The following NF2 variants were observed in gnomAD, a reference collection of about 807,000 sequenced individuals.
NF2 encodes NF2, moesin-ezrin-radixin like (MERLIN) tumor suppressor.
NF2 carries 8 observed loss-of-function variants against 83.7 expected under a neutral mutation model. That is an observed-to-expected ratio of 0.10 (90% CI 0.06 to 0.17). The LOEUF (loss-of-function observed/expected upper bound fraction) is 0.17. Ranked by LOEUF, NF2 falls within the 10% of genes least tolerant of loss-of-function variation. The pLI, the probability that NF2 is intolerant of heterozygous loss-of-function variation, is 1.00. For synonymous variants in NF2, 266 were observed against 269.6 expected (o/e 0.99, Z 0.13); for missense variants, 533 against 744.4 (o/e 0.72, Z 3.31).
chr22:29,696,921 A>T lies in NF2; in HGVS notation c.*2119A>T, dbSNP rs2067568501. ...AACCTCCGCCTCCCAGGTACAAGAGATTCTCCTGCCTCAGCCTCCCGAGTA... is the reference window on the plus strand; with the variant it reads ...AACCTCCGCCTCCCAGGTACAAGAGTTTCTCCTGCCTCAGCCTCCCGAGTA... On this transcript the variant is annotated 3_prime_UTR_variant, in exon 16 of 16. Coordinates refer to ENST00000338641, the MANE Select transcript of NF2 (RefSeq NM_000268.4). 1 of 180,940 alleles carries T rather than the reference A, an allele frequency of 5.5e-6. No homozygotes were observed. Among genetic ancestry groups the T allele is most frequent in the Non-Finnish European group, 1.2e-5 (1 of 85,606 alleles). The allele number at this position is 180,940 out of a possible 1,614,324, so 11.2% of individuals were successfully genotyped here.
chr22:29,663,909 T>G (rs1445372828), intron 8 of NF2, among the ~76,000 whole-genome samples: 1 of 152,246 alleles, frequency 6.6e-6, no homozygotes, highest in Non-Finnish European at 1.5e-5. Flanking sequence ...GCTAGTGGTC[T>G]AACCCTAGGT....
chr22:29,612,495 T>TG (rs1198268941), intron 1 of NF2, among the ~76,000 whole-genome samples: 25 of 151,310 alleles, frequency 1.7e-4, no homozygotes. Context: ...GCTTTTTTTT[T>TG]TTGTTTGTTT....
intron 8 of NF2, among the ~76,000 whole-genome samples, chr22:29,664,266 T>G (rs908457009): frequency 6.6e-6 from 1 of 151,970 alleles, no homozygotes; most frequent in Non-Finnish European, 1.5e-5. Flanking sequence ...AGCCACCATA[T>G]CTGGCCGCCT....
rs565577826 is a variant in NF2, at chr22:29,674,291, A to T, written c.1341-545A>T. On this transcript the variant is annotated intron_variant, in intron 12 of 15. Coordinates refer to ENST00000338641, the MANE Select transcript of NF2 (RefSeq NM_000268.4). ...GGGCCAGGTCCCTGCACCAGGCCTC[A>T]CATGCCGTGACCACCTGAGCCCCAT... 6.6e-4 allele frequency among the ~76,000 whole-genome samples: 100 copies of T among 152,320 alleles called. 4 individuals are homozygous for T. The South Asian group carries it at 0.02, about 31-fold the overall frequency.
chr22:29,678,185 C>T lies in NF2; in HGVS notation c.1447-11C>T, dbSNP rs571246532. ...GACCCAAGCTCCTAATCCGAAATTT[C>T]TCATTAACAGCCCATGAACCCAATT... On this transcript the variant is annotated splice_polypyrimidine_tract_variant and intron_variant, in intron 13 of 15. Transcript: ENST00000338641. The T allele has an allele frequency of 5.0e-5, 80 of 1,613,876 alleles. No individual in the cohort carries two copies. Among genetic ancestry groups the T allele is most frequent in the Middle Eastern group, 4.9e-4 (3 of 6,062 alleles).
chr22:29,613,788 C>A (rs994119805), intron 1 of NF2, among the ~76,000 whole-genome samples: 10 of 149,706 alleles, frequency 6.7e-5, no homozygotes, highest in African/African-American at 2.2e-4. Flanking sequence ...GAGATGGAGT[C>A]TCGCTCTGTC....
intron 14 of NF2, 121 bp downstream of exon 14, chr22:29,678,444 G>A (rs2067033819): frequency 3.3e-6 from 4 of 1,195,032 alleles, no homozygotes; most frequent in South Asian, 1.2e-5. Flanking sequence ...TCCTGCAAAG[G>A]TTTGCTCTGC....
intron 4 of NF2, among the ~76,000 whole-genome samples, chr22:29,650,900 A>C (rs1308105853): frequency 6.6e-6 from 1 of 152,098 alleles, no homozygotes; most frequent in Non-Finnish European, 1.5e-5. Context: ...ACTGCACCCA[A>C]CCTGTTCATC....
At chr22:29,642,474 ATGTG>A (rs367627235) in intron 4 of NF2, among the ~76,000 whole-genome samples, 189 bp downstream of exon 4, 14 of 150,766 alleles carry the variant, frequency 9.3e-5, no homozygotes, top group South Asian at 8.4e-4. Context: ...TTGTGTGTGT[ATGTG>A]TGTGTGTGTG....
chr22:29,612,118 C>T (rs962403469), intron 1 of NF2, among the ~76,000 whole-genome samples: 3 of 152,164 alleles, frequency 2.0e-5, no homozygotes, highest in African/African-American at 4.8e-5. Context: ...AGCGATTCTC[C>T]TGCCTCAGCC....
chr22:29,639,031 G>A, intron 2 of NF2, 59 bp from the exon 3 acceptor site: 1 of 1,612,888 alleles, frequency 6.2e-7, no homozygotes, highest in South Asian at 1.1e-5. Flanking sequence ...CTTCTTTGAG[G>A]GTAGCACAGG....
chr22:29,658,191 A>G lies in NF2; in HGVS notation c.602A>G (p.Asp201Gly), dbSNP rs1601618525. The G allele has an allele frequency of 3.1e-6, 5 of 1,614,088 alleles. No individual in the cohort carries two copies. The highest frequency in any genetic ancestry group is 2.7e-5 in the African/African-American group (2 of 75,040). ...AGTGTCTTCCGTTCTCCCCACAGGGATGAAGCTGAAATGGAATATCTGAAG... is the reference window on the plus strand; with the variant it reads ...AGTGTCTTCCGTTCTCCCCACAGGGGTGAAGCTGAAATGGAATATCTGAAG... ...WYAEHRGRAR[D>G]EAEMEYLKIA... Residue 201 changes from aspartate (D) to glycine (G), a missense_variant and splice_region_variant, in exon 7 of 16, where the codon GAT (aspartate) becomes GGT (glycine). Physicochemically the swap from Asp to Gly is moderately conservative, Grantham distance 94. This residue lies in a region of NF2 where 326 missense variants were observed against 475.1 expected (regional missense o/e 0.69). Transcript: ENST00000338641.
Position 29,609,620 on chromosome 22 carries a change from G to A in NF2, c.114+5508G>A, listed in dbSNP as rs183992730. On this transcript the variant is annotated intron_variant, in intron 1 of 15. Coordinates refer to ENST00000338641, the MANE Select transcript of NF2 (RefSeq NM_000268.4). ...ATTCTGCGTTTTTGAGCAGTTATTC[G>A]TTTCAGTGATTATAATTGATTGTGC... is the stretch of plus-strand genomic sequence containing the variant. 248 of 191,556 alleles carry A rather than the reference G, an allele frequency of 1.3e-3. 1 individual carries two copies. Among genetic ancestry groups the A allele is most frequent in the Middle Eastern group, 4.5e-3 (2 of 446 alleles). The allele number at this position is 191,556 out of a possible 1,614,324, so 11.9% of individuals were successfully genotyped here. A position where few individuals can be genotyped will look rare whatever the true frequency, so the allele number is the denominator to read the frequency against.
intron 14 of NF2, 39 bp from the exon 15 acceptor site, chr22:29,681,400 C>T (rs755081800): frequency 1.7e-5 from 27 of 1,612,072 alleles, no homozygotes; most frequent in Non-Finnish European, 2.3e-5. Context: ...GTCTCACTGT[C>T]TGCCCAAGCC....
chr22:29,696,261 G>A lies in NF2; in HGVS notation c.*1459G>A, dbSNP rs1429844759. Reference sequence around the variant, plus strand: ...GCCAATGTTCTGTATTTTTAATAGGGACGGGGTTTTGCCATGTTAGCTAGG... The same window carrying A: ...GCCAATGTTCTGTATTTTTAATAGGAACGGGGTTTTGCCATGTTAGCTAGG... On this transcript the variant is annotated 3_prime_UTR_variant, in exon 16 of 16. Coordinates refer to ENST00000338641, the MANE Select transcript of NF2 (RefSeq NM_000268.4). 4.6e-6 allele frequency: 1 copy of A among 215,064 alleles called. No homozygotes were observed. Among genetic ancestry groups the A allele is most frequent in the Non-Finnish European group, 9.4e-6 (1 of 106,764 alleles). 13.3% of individuals were successfully genotyped at this position (215,064 alleles called of 1,614,324 possible).
Position 29,668,387 on chromosome 22 carries a change from G to A in NF2, c.940G>A (p.Asp314Asn), listed in dbSNP as rs1365006505. 1.9e-6 allele frequency: 3 copies of A among 1,613,808 alleles called. No individual in the cohort carries two copies. Among genetic ancestry groups the A allele is most frequent in the African/African-American group, 1.3e-5 (1 of 74,916 alleles). ...TCTATTTATGAGGAGAAGGAAAGCCGATTCTTTGGAAGTTCAGCAGATGAA... is the reference window on the plus strand; with the variant it reads ...TCTATTTATGAGGAGAAGGAAAGCCAATTCTTTGGAAGTTCAGCAGATGAA... ...HDLFMRRRKA[D>N]SLEVQQMKAQ... The change falls in exon 10 of 16, where the codon GAT becomes AAT. Residue 314 changes from aspartate to asparagine, a missense_variant. Around this residue, in one of 3 missense-constraint regions of NF2, gnomAD observed 326 missense variants for 475.1 expected, o/e 0.69. Coordinates refer to ENST00000338641, the MANE Select transcript of NF2 (RefSeq NM_000268.4).
chr22:29,661,405 C>G (rs1007825841), intron 8 of NF2, 66 bp downstream of exon 8: 1 of 1,599,164 alleles, frequency 6.3e-7, no homozygotes, highest in African/African-American at 1.3e-5. Context: ...CTCACTGGAG[C>G]CTCCCCAGCC....
intron 4 of NF2, among the ~76,000 whole-genome samples, chr22:29,644,920 G>A (rs908597792): frequency 6.7e-6 from 1 of 150,274 alleles, no homozygotes; most frequent in African/African-American, 2.5e-5. Flanking sequence ...GGAAAGAGAG[G>A]GAGAGGGAGA....
intron 7 of NF2, 47 bp downstream of exon 7, chr22:29,658,311 A>G: frequency 1.3e-6 from 2 of 1,497,046 alleles, no homozygotes; most frequent in Non-Finnish European, 1.9e-6. Context: ...ACAGAGACTG[A>G]GTGAGGGCCA....
Sources: gnomAD v4.1 joint callset for allele counts (sites outside exome capture counted in the v4.1 genomes callset) on GRCh38, gnomAD v4.1.1 for gene constraint, gnomAD v4.1.1 regional missense constraint, MANE v1.5 for transcripts, NCBI Gene and HGNC (gene_info 2026-07-23, HGNC 2026-07-21) for gene names.